Variants in LPO observed in about 807,000 individuals in gnomAD.
LPO encodes the protein salivary peroxidase.
In LPO, 70 loss-of-function variants were observed where a neutral mutation model predicts 68.4. The ratio of observed to expected loss-of-function variants is 1.02; its 90% CI spans 0.84 to 1.25. LPO has a LOEUF of 1.25. Among genes scored for constraint, LPO ranks in the 50% most tolerant of loss-of-function variants. The pLI, the probability that LPO is intolerant of heterozygous loss-of-function variation, is 0.00. For missense variants in LPO, 873 were observed against 908.4 expected, an observed-to-expected ratio of 0.96 and a Z score of 0.50; for synonymous variants, 360 against 357.6, an observed-to-expected ratio of 1.01 and a Z score of -0.08.
At chr17:58,249,342 C>T in intron 5 of LPO, 165 bp downstream of exon 5, 1 of 888,964 alleles carries the variant, frequency 1.1e-6, no homozygotes, top group Non-Finnish European at 1.7e-6. Context: ...CTCCAGCCCT[C>T]TCCCTCCAGC....
chr17:58,252,612 C>T, intron 8 of LPO, 106 bp downstream of exon 8: 1 of 1,100,258 alleles, frequency 9.1e-7, no homozygotes, highest in Non-Finnish European at 1.3e-6. Context: ...GCACACTGAG[C>T]CATTGCTGTC....
chr17:58,246,460 G>A (rs1031955247), intron 3 of LPO, among the ~76,000 whole-genome samples: 3 of 152,164 alleles, frequency 2.0e-5, no homozygotes, highest in African/African-American at 7.2e-5. Context: ...CTGTGGAGAT[G>A]GCAAAGAGGT....
At chr17:58,256,622 C>T (rs180735717) in intron 9 of LPO, among the ~76,000 whole-genome samples, 144 of 151,778 alleles carry the variant, frequency 9.5e-4, no homozygotes, top group African/African-American at 3.3e-3. Context: ...GAGACCATCC[C>T]GGCCAACATG....
intron 8 of LPO, among the ~76,000 whole-genome samples, chr17:58,253,045 A>AAAAAAAAAAAAAAAAG (rs1969993727): frequency 6.9e-6 from 1 of 145,652 alleles, no homozygotes; most frequent in African/African-American, 2.5e-5. Context: ...AAAAAAAAAA[A>AAAAAAAAAAAAAAAAG]AAAGAAAGAA....
chr17:58,247,210 C>T (rs1397854331), intron 3 of LPO, among the ~76,000 whole-genome samples: 1 of 152,200 alleles, frequency 6.6e-6, no homozygotes, highest in Non-Finnish European at 1.5e-5. Flanking sequence ...TGTTCTATAT[C>T]TGCACTGTCC....
Position 58,249,575 on chromosome 17 carries a change from T to TGCGCTGGGCGCCGCCAACAGG in LPO, c.456_476dup (p.Gly154_Leu160dup). 6 of 1,603,956 alleles carry TGCGCTGGGCGCCGCCAACAGG rather than the reference T, an allele frequency of 3.7e-6. No individual in the cohort carries two copies. The highest frequency in any genetic ancestry group is 5.1e-6 in the Non-Finnish European group (6 of 1,179,208). On this transcript the variant is annotated inframe_insertion, in exon 6 of 13. Coordinates refer to ENST00000262290, the MANE Select transcript of LPO (RefSeq NM_006151.3). ...ATCGTGCTGGTTTCAGGAGGAAGCCTGCGCTGGGCGCCGCCAACAGGGCTC... is the reference window on the plus strand; with the variant it reads ...ATCGTGCTGGTTTCAGGAGGAAGCCTGCGCTGGGCGCCGCCAACAGGGCGCTGGGCGCCGCCAACAGGGCTC...
In LPO at chr17:58,250,399, C is replaced by A. The variant is rs1293212468; in HGVS notation, c.574-16C>A. ...TTTTCCTCTAATCTGCCCTCCCCTT[C>A]TCTCTCCATCTGTAGGCCCGGGAGG... On this transcript the variant is annotated splice_polypyrimidine_tract_variant and intron_variant, in intron 6 of 12. Transcript: ENST00000262290. The A allele has an allele frequency of 1.9e-6, 3 of 1,610,344 alleles. No homozygotes were observed. In the South Asian group the frequency reaches 3.3e-5, roughly 18 times the overall value.
chr17:58,260,467 T>C (rs1322664963), intron 9 of LPO, among the ~76,000 whole-genome samples: 1 of 152,186 alleles, frequency 6.6e-6, no homozygotes, highest in African/African-American at 2.4e-5. Context: ...ATCCTTGTCT[T>C]CCCAATCGAG....
chr17:58,256,867 G>A lies in LPO; in HGVS notation c.1266+1896G>A, dbSNP rs117282887. ...AAGAATGAGGTATCCATCCTCTCAA[G>A]CATTTATACATTGAGTTGCAAACAA... On this transcript the variant is annotated intron_variant, in intron 9 of 12. Coordinates refer to ENST00000262290, the MANE Select transcript of LPO (RefSeq NM_006151.3). 6.6e-3 allele frequency among the ~76,000 whole-genome samples: 996 copies of A among 150,232 alleles called. 7 individuals carry two copies. The highest frequency in any genetic ancestry group is 9.9e-3 in the Non-Finnish European group (670 of 67,720).
intron 9 of LPO, among the ~76,000 whole-genome samples, chr17:58,261,120 G>A (rs1321234750): frequency 6.6e-6 from 1 of 152,150 alleles, no homozygotes; most frequent in Non-Finnish European, 1.5e-5. Flanking sequence ...GCAATGTTCT[G>A]TAAATGTCAG....
chr17:58,243,780 A>G (rs1382657795), intron 2 of LPO: 3 of 588,036 alleles, frequency 5.1e-6, no homozygotes, highest in Non-Finnish European at 9.2e-6. Flanking sequence ...TCAAAGAGCA[A>G]TTTTGACATC....
rs759192851 is a variant in LPO at position 58,252,148 on chromosome 17, C to T, written c.781-34C>T. 1.0e-5 allele frequency: 16 copies of T among 1,598,844 alleles called. No individual in the cohort carries two copies. In the Admixed American group the frequency reaches 2.3e-4, roughly 23 times the overall value. ...GTTGCCAGGACCCAGCTGTTCCACC[C>T]CTGCCCAGTCACTTATGCCCACTCT... On this transcript the variant is annotated intron_variant, in intron 7 of 12. Transcript: ENST00000262290.
Position 58,247,396 on chromosome 17 carries a change from C to A in LPO, c.165-82C>A. The A allele has an allele frequency of 7.6e-6, 10 of 1,320,562 alleles. No homozygotes were observed. The South Asian group carries it at 1.3e-4, about 17-fold the overall frequency. The allele number at this position is 1,320,562 out of a possible 1,614,324, so 81.8% of individuals were successfully genotyped here. On this transcript the variant is annotated intron_variant, in intron 3 of 12. Transcript: ENST00000262290. Reference sequence around the variant, plus strand: ...CTGGGTTATGAGGCCATGTTGTACACACACCCCTCCCACCCCTCCAGCGGC... The same window carrying A: ...CTGGGTTATGAGGCCATGTTGTACAAACACCCCTCCCACCCCTCCAGCGGC...
chr17:58,259,278 G>A (rs1970132015), intron 9 of LPO, among the ~76,000 whole-genome samples: 1 of 152,092 alleles, frequency 6.6e-6, no homozygotes, highest in African/African-American at 2.4e-5. Context: ...TGAGGTTTAG[G>A]TCAAGATGCT....
chr17:58,252,875 T>C (rs1050349915), intron 8 of LPO, among the ~76,000 whole-genome samples: 2 of 151,418 alleles, frequency 1.3e-5, no homozygotes, highest in Admixed American at 6.6e-5. Context: ...CACAAAAAAT[T>C]AGCCGGGCGT....
chr17:58,250,929 G>C (rs1243646939), intron 7 of LPO: 15 of 375,680 alleles, frequency 4.0e-5, no homozygotes, highest in Non-Finnish European at 7.0e-5. Flanking sequence ...GGGAACACTG[G>C]AGAAGGTTGT....
chr17:58,264,736 G>C lies in LPO; in HGVS notation c.1281G>C (p.Arg427Ser). The C allele has an allele frequency of 6.2e-7, 1 of 1,613,878 alleles. No homozygotes were observed. Among genetic ancestry groups the C allele is most frequent in the Non-Finnish European group, 8.5e-7 (1 of 1,179,982 alleles). Reference sequence around the variant, plus strand: ...TCTCCCTCCAGATTATCACCTTTAGGGACTACCTACCCATTTTGCTAGGTG... The same window carrying C: ...TCTCCCTCCAGATTATCACCTTTAGCGACTACCTACCCATTTTGCTAGGTG... ...LGAFVQIITF[R>S]DYLPILLGDH... Residue 427 changes from arginine (R) to serine (S), a missense_variant, in exon 10 of 13, where the codon AGG becomes AGC. Physicochemically the swap from Arg to Ser is moderately radical, Grantham distance 110. Coordinates refer to ENST00000262290, the MANE Select transcript of LPO (RefSeq NM_006151.3).
intron 1 of LPO, 93 bp from the exon 2 acceptor site, chr17:58,242,885 G>T: frequency 1.0e-6 from 1 of 982,590 alleles, no homozygotes; most frequent in Non-Finnish European, 1.6e-6. Flanking sequence ...TAGGGTGTCT[G>T]GTGCTCCTTT....
intron 3 of LPO, among the ~76,000 whole-genome samples, chr17:58,246,130 C>T (rs542937007): frequency 6.6e-6 from 1 of 152,300 alleles, no homozygotes; most frequent in African/African-American, 2.4e-5. Context: ...TAGGAAGGAG[C>T]CACCCAGGCA....
Sources: gnomAD v4.1 joint callset for allele counts (sites outside exome capture counted in the v4.1 genomes callset) on GRCh38, gnomAD v4.1.1 for gene constraint, MANE v1.5 for transcripts, NCBI Gene and HGNC (gene_info 2026-07-23, HGNC 2026-07-21) for gene names.